Variants in XYLT1 observed in about 807,000 individuals in gnomAD.
XYLT1 encodes xylosyltransferase 1.
XYLT1 carries 36 observed loss-of-function variants against 91.3 expected under a neutral mutation model. The observed-to-expected ratio is 0.39, with a 90% CI of 0.30 to 0.52. The LOEUF (loss-of-function observed/expected upper bound fraction) is 0.52, where lower values mean the gene tolerates loss of function less well. Among genes scored for constraint, XYLT1 ranks in the 20% least tolerant of loss-of-function variants. The pLI is 0.68. For missense variants in XYLT1, 1,242 were observed against 1,284.5 expected, an observed-to-expected ratio of 0.97 and a Z score of 0.51; for synonymous variants, 588 against 532.0, an observed-to-expected ratio of 1.11 and a Z score of -1.45.
chr16:17,466,115 A>G (rs2036893632), intron 1 of XYLT1, among the ~76,000 whole-genome samples: 1 of 152,024 alleles, frequency 6.6e-6, no homozygotes, highest in East Asian at 1.9e-4. Flanking sequence ...TTTGTTTTTT[A>G]GTTATTTTTT....
chr16:17,404,707 G>A (rs985915130), intron 1 of XYLT1, among the ~76,000 whole-genome samples: 9 of 152,164 alleles, frequency 5.9e-5, no homozygotes, highest in East Asian at 3.9e-4. Context: ...AGGCTGAGGC[G>A]GGAGGACGAC....
chr16:17,384,800 G>A (rs1046404434), intron 1 of XYLT1, among the ~76,000 whole-genome samples: 4 of 151,880 alleles, frequency 2.6e-5, no homozygotes, highest in Admixed American at 2.0e-4. Context: ...GTAAAAATCC[G>A]CATTCCAAAC....
At chr16:17,317,781 A>T (rs1430276522) in intron 2 of XYLT1, among the ~76,000 whole-genome samples, 1 of 151,940 alleles carries the variant, frequency 6.6e-6, no homozygotes, top group Non-Finnish European at 1.5e-5. Context: ...GTCCTACAGG[A>T]TCTAGCTACT....
intron 2 of XYLT1, among the ~76,000 whole-genome samples, chr16:17,314,304 T>A (rs893892131): frequency 2.6e-5 from 4 of 152,062 alleles, no homozygotes; most frequent in Non-Finnish European, 5.9e-5. Context: ...CCAGGCCCAC[T>A]CATCACCCAC....
Position 17,470,801 on chromosome 16 carries a change from G to T in XYLT1, c.-5C>A. The T allele has an allele frequency of 1.0e-6, 1 of 998,126 alleles. No individual in the cohort carries two copies. The allele number at this position is 998,126 out of a possible 1,614,324, so 61.8% of individuals were successfully genotyped here. On this transcript the variant is annotated 5_prime_UTR_variant, in exon 1 of 12. Transcript: ENST00000261381. ...GGCGCACGGCGCCGCCACCATCTTC[G>T]GAGCGCGGCCGGCGAGCGAGGCGCG...
intron 2 of XYLT1, among the ~76,000 whole-genome samples, chr16:17,328,146 C>T (rs1041848983): frequency 5.9e-5 from 9 of 152,194 alleles, no homozygotes; most frequent in Admixed American, 4.6e-4. Context: ...ACAGGTGCCC[C>T]GGGTTTACCA....
intron 1 of XYLT1, among the ~76,000 whole-genome samples, chr16:17,361,951 T>G (rs2035387966): frequency 6.6e-6 from 1 of 152,214 alleles, no homozygotes; most frequent in East Asian, 1.9e-4. Context: ...ACCCCTGTAA[T>G]AACCCTAAGA....
chr16:17,182,674 A>G (rs2032097696), intron 5 of XYLT1, among the ~76,000 whole-genome samples: 2 of 122,680 alleles, frequency 1.6e-5, no homozygotes, highest in African/African-American at 6.2e-5. Context: ...TTGCTTTGAA[A>G]CAATTAGGCA....
intron 1 of XYLT1, among the ~76,000 whole-genome samples, chr16:17,443,820 A>C (rs188100619): frequency 1.6e-3 from 238 of 152,274 alleles, no homozygotes; most frequent in African/African-American, 5.4e-3. Context: ...CTTTGTCATC[A>C]TATCTAGACT....
At chr16:17,395,852 CTCTCTG>C (rs2035878311) in intron 1 of XYLT1, among the ~76,000 whole-genome samples, 1 of 152,152 alleles carries the variant, frequency 6.6e-6, no homozygotes, top group African/African-American at 2.4e-5. Flanking sequence ...ATGTAGTGTC[CTCTCTG>C]TCACTCTCAT....
chr16:17,113,183 C>A (rs1171613310), intron 11 of XYLT1, among the ~76,000 whole-genome samples: 1 of 149,866 alleles, frequency 6.7e-6, no homozygotes, highest in Non-Finnish European at 1.5e-5. Context: ...GCTCTGTCAC[C>A]CAGGCTGGAG....
intron 3 of XYLT1, among the ~76,000 whole-genome samples, chr16:17,232,832 A>G (rs904282984): frequency 3.9e-5 from 6 of 152,002 alleles, no homozygotes; most frequent in African/African-American, 1.5e-4. Flanking sequence ...AGCGGTGGTG[A>G]TGGTGGTATT....
At chr16:17,127,516 A>T in intron 10 of XYLT1, 150 bp downstream of exon 10, 1 of 918,326 alleles carries the variant, frequency 1.1e-6, no homozygotes, top group Non-Finnish European at 1.6e-6. Context: ...GGGGCCGGAG[A>T]ACCTTCTTCG....
chr16:17,377,175 T>TCTCACACACACACACACACACACACACC (rs2035612959), intron 1 of XYLT1, among the ~76,000 whole-genome samples: 3 of 150,830 alleles, frequency 2.0e-5, no homozygotes, highest in Non-Finnish European at 2.9e-5. Context: ...AGACTCTGCC[T>TCTCACACACACACACACACACACACACC]CACACACACA....
At chr16:17,321,407 G>A (rs1264298191) in intron 2 of XYLT1, among the ~76,000 whole-genome samples, 1 of 128,880 alleles carries the variant, frequency 7.8e-6, no homozygotes, top group African/African-American at 3.0e-5. Context: ...ATCCAGGCTG[G>A]AGTGCAGTGG....
At chr16:17,410,995 G>T (rs529446177) in intron 1 of XYLT1, among the ~76,000 whole-genome samples, 6 of 152,272 alleles carry the variant, frequency 3.9e-5, no homozygotes, top group African/African-American at 1.2e-4. Flanking sequence ...ACAGATTGCT[G>T]TCAATGGTCT....
At chr16:17,173,428 T>C (rs1475933125) in intron 5 of XYLT1, among the ~76,000 whole-genome samples, 1 of 152,264 alleles carries the variant, frequency 6.6e-6, no homozygotes, top group Non-Finnish European at 1.5e-5. Flanking sequence ...AGCTTCCCTC[T>C]ATGCATTAAG....
At chr16:17,350,104 G>A (rs953142716) in intron 2 of XYLT1, among the ~76,000 whole-genome samples, 1 of 152,220 alleles carries the variant, frequency 6.6e-6, no homozygotes, top group African/African-American at 2.4e-5. Context: ...TCAATCTCCT[G>A]ACCTCGTGAT....
intron 2 of XYLT1, among the ~76,000 whole-genome samples, chr16:17,326,118 T>C (rs2034797402): frequency 1.3e-5 from 2 of 152,186 alleles, no homozygotes; most frequent in Middle Eastern, 3.2e-3. Flanking sequence ...GTAACAGACA[T>C]ATCCGTCACC....
Sources: allele counts gnomAD v4.1 joint callset (sites outside exome capture counted in the v4.1 genomes callset), GRCh38; gene constraint gnomAD v4.1.1; transcripts MANE v1.5; gene names NCBI Gene and HGNC (gene_info 2026-07-23, HGNC 2026-07-21).